The following CRACR2A variants were observed in gnomAD, a reference collection of about 807,000 sequenced individuals.
The protein encoded by CRACR2A is EF-hand calcium-binding domain-containing protein 4B.
In CRACR2A, 79 loss-of-function variants were observed where a neutral mutation model predicts 90.5. The observed-to-expected ratio is 0.87, with a 90% confidence interval of 0.73 to 1.05. The LOEUF is 1.05. CRACR2A is among the 50% of genes least tolerant of loss of function. The pLI, the probability that CRACR2A is intolerant of heterozygous loss-of-function variation, is 0.00. For synonymous variants in CRACR2A, 338 were observed against 356.7 expected (o/e 0.95, Z 0.59); for missense variants, 823 against 897.2 (o/e 0.92, Z 1.06).
chr12:3,627,350 T>C, intron 17 of CRACR2A, 86 bp downstream of exon 17: 1 of 962,306 alleles, frequency 1.0e-6, no homozygotes, highest in Non-Finnish European at 1.6e-6. Flanking sequence ...ATTTTGAAAA[T>C]GCAGAGGCCC....
chr12:3,720,703 G>A (rs1258801232), intron 2 of CRACR2A, among the ~76,000 whole-genome samples: 3 of 152,190 alleles, frequency 2.0e-5, no homozygotes, highest in African/African-American at 7.2e-5. Context: ...GAGAGCCTGT[G>A]TTATTCCCAC....
chr12:3,656,705 G>T (rs183830000), intron 8 of CRACR2A, among the ~76,000 whole-genome samples: 2 of 152,344 alleles, frequency 1.3e-5, no homozygotes, highest in Admixed American at 1.3e-4. Flanking sequence ...GTGTCAGCCA[G>T]TTGTGGTACA....
chr12:3,729,899 G>C (rs1223326019), intron 2 of CRACR2A: 2 of 152,242 alleles, frequency 1.3e-5, no homozygotes, highest in Admixed American at 1.3e-4. Flanking sequence ...GGGGTCTGCT[G>C]AGAGAATCCA....
intron 15 of CRACR2A, among the ~76,000 whole-genome samples, chr12:3,631,163 G>C (rs1202570315): frequency 6.6e-6 from 1 of 152,208 alleles, no homozygotes; most frequent in Non-Finnish European, 1.5e-5. Context: ...AATTTGAGCT[G>C]CTGCTCGAGC....
chr12:3,637,075 G>A (rs1015238091), intron 14 of CRACR2A, among the ~76,000 whole-genome samples: 1 of 152,218 alleles, frequency 6.6e-6, no homozygotes, highest in Admixed American at 6.5e-5. Flanking sequence ...CTATCACCAT[G>A]AGCCAGAGGA....
intron 14 of CRACR2A, 132 bp downstream of exon 14, chr12:3,637,992 G>C: frequency 1.2e-6 from 1 of 860,950 alleles, no homozygotes; most frequent in African/African-American, 1.7e-5. Flanking sequence ...GTATTTGGAG[G>C]ACACATATGT....
intron 7 of CRACR2A, among the ~76,000 whole-genome samples, chr12:3,660,454 CTAGAGAGATGAAGACAAACACACAGCCTA>C (rs917900162): frequency 1.8e-4 from 28 of 152,146 alleles, no homozygotes; most frequent in South Asian, 8.3e-4. Context: ...AAGTAAGTAC[CTAGAGAGATGAAGACAAACACACAGCCTA>C]TAGAGAGATG....
At position 3,679,006 on chromosome 12, in the gene CRACR2A, C is replaced by T. The variant is rs1459355871; in HGVS notation, c.433G>A (p.Gly145Arg). 44 of 1,614,132 alleles carry T rather than the reference C, an allele frequency of 2.7e-5. No individual in the cohort carries two copies. The highest frequency in any genetic ancestry group is 3.7e-5 in the Non-Finnish European group (44 of 1,179,996). Residue 145 changes from glycine to arginine, a missense_variant, in exon 6 of 20, where the codon GGG (glycine) becomes AGG (arginine). Coordinates refer to ENST00000440314, the MANE Select transcript of CRACR2A (RefSeq NM_001144958.2). ...RHEEKVYLSR[G>R]DEDLGDMGED... is the part of the protein sequence containing the mutation. ...CCCATGTCGCCCAGATCCTCATCCC[C>T]TCTGGACAGATACACCTTCTCTTCA...
At chr12:3,641,703 G>A (rs1240873932) in intron 13 of CRACR2A, 29 bp downstream of exon 13, 3 of 1,540,752 alleles carry the variant, frequency 1.9e-6, no homozygotes, top group African/African-American at 1.4e-5. Flanking sequence ...TGAGAGGAAT[G>A]AAGGGATGAG....
At position 3,665,381 on chromosome 12, in the gene CRACR2A, G is replaced by C. The variant is rs530699939; in HGVS notation, c.672-5727C>G. Reference sequence around the variant, plus strand: ...CCAGAAACAGAAGGTCTGGGTTCAAGTCTTGGTTCTGACATTTACAAACTT... The same window carrying C: ...CCAGAAACAGAAGGTCTGGGTTCAACTCTTGGTTCTGACATTTACAAACTT... On this transcript the variant is annotated intron_variant, in intron 7 of 19. Coordinates refer to ENST00000440314, the MANE Select transcript of CRACR2A (RefSeq NM_001144958.2). 1.0e-3 allele frequency among the ~76,000 whole-genome samples: 157 copies of C among 152,340 alleles called. 1 individual carries two copies. Among genetic ancestry groups the C allele is most frequent in the African/African-American group, 3.7e-3 (152 of 41,576 alleles).
chr12:3,629,719 G>A (rs1256359881), intron 15 of CRACR2A, among the ~76,000 whole-genome samples: 1 of 152,152 alleles, frequency 6.6e-6, no homozygotes, highest in Admixed American at 6.5e-5. Flanking sequence ...GTTCTGTGCT[G>A]TGGTGAGCTT....
rs1856875518 is a variant in CRACR2A, at chr12:3,656,292, G to T, written c.858+19C>A. 1 of 1,611,340 alleles carries T rather than the reference G, an allele frequency of 6.2e-7. No homozygotes were observed. Among genetic ancestry groups the T allele is most frequent in the South Asian group, 1.1e-5 (1 of 91,038 alleles). On this transcript the variant is annotated intron_variant, in intron 9 of 19. Transcript: ENST00000440314. ...AGAGTGAAGAGCCAGGTACTCTGGG[G>T]CCATGGATGGCAACATACCCTTTTC... is the stretch of plus-strand genomic sequence containing the variant.
intron 2 of CRACR2A, 92 bp from the exon 3 acceptor site, chr12:3,713,409 G>T: frequency 1.9e-6 from 1 of 530,416 alleles, no homozygotes; most frequent in Non-Finnish European, 2.4e-6. Flanking sequence ...AAACTTGGGA[G>T]GAAACATTGC....
chr12:3,622,432 C>T (rs1944165824), intron 17 of CRACR2A, among the ~76,000 whole-genome samples: 1 of 152,220 alleles, frequency 6.6e-6, no homozygotes, highest in Non-Finnish European at 1.5e-5. Flanking sequence ...GACCCTCTAA[C>T]AGAGAGCCTT....
rs371175398 is a variant in CRACR2A, at chr12:3,678,964, G to A, written c.475C>T (p.Gln159Ter). 2 of 1,613,480 alleles carry A rather than the reference G, an allele frequency of 1.2e-6. No individual in the cohort carries two copies. Among genetic ancestry groups the A allele is most frequent in the African/African-American group, 2.7e-5 (2 of 74,894 alleles). The change falls in exon 6 of 20, where the codon CAG (glutamine) becomes TAG (stop). Residue 159 changes from glutamine (Q) to a stop codon, truncating the protein, a stop_gained. Coordinates refer to ENST00000440314, the MANE Select transcript of CRACR2A (RefSeq NM_001144958.2). LOFTEE classifies it high-confidence loss of function. ...AGTCTGTCCATCAGCATCCGGAACT[G>A]GGCTTCCTCATCTTCGCCCATGTCG... ...LGDMGEDEEA[Q>*]FRMLMDRLGA...
At chr12:3,715,591 T>C (rs1204155140) in intron 2 of CRACR2A, among the ~76,000 whole-genome samples, 1 of 152,178 alleles carries the variant, frequency 6.6e-6, no homozygotes, top group Non-Finnish European at 1.5e-5. Flanking sequence ...CACATATGAT[T>C]GTCACTGGGA....
chr12:3,729,686 G>A (rs898922196), intron 2 of CRACR2A: 1 of 152,240 alleles, frequency 6.6e-6, no homozygotes, highest in African/African-American at 2.4e-5. Context: ...CTGGGTGACA[G>A]AGCGAGACTC....
intron 4 of CRACR2A, 44 bp from the exon 5 acceptor site, chr12:3,680,393 G>C (rs1351943711): frequency 1.9e-6 from 3 of 1,541,118 alleles, no homozygotes; most frequent in Non-Finnish European, 2.7e-6. Context: ...GACACTCACT[G>C]GTGGGGGAGG....
chr12:3,752,104 G>A (rs1946714987), intron 1 of CRACR2A, among the ~76,000 whole-genome samples: 1 of 152,100 alleles, frequency 6.6e-6, no homozygotes, highest in African/African-American at 2.4e-5. Context: ...TCTTCCTCCT[G>A]ACCCTCTGAC....
Sources: allele counts gnomAD v4.1 joint callset (sites outside exome capture counted in the v4.1 genomes callset), GRCh38; gene constraint gnomAD v4.1.1; transcripts MANE v1.5; gene names NCBI Gene and HGNC (gene_info 2026-07-23, HGNC 2026-07-21).